ITSN1: variants seen among roughly 807,000 people sequenced by gnomAD.
The protein encoded by ITSN1 is intersectin 1, also known as intersectin-1.
ITSN1 carries 58 observed loss-of-function variants against 239.8 expected under a neutral mutation model. That is an observed-to-expected ratio of 0.24 (90% CI 0.20 to 0.30). The LOEUF is 0.30. ITSN1 is among the 10% of genes least tolerant of loss of function. The pLI is 1.00. For synonymous variants in ITSN1, 780 were observed against 770.8 expected, an observed-to-expected ratio of 1.01 and a Z score of -0.20; for missense variants, 1,558 against 2,103.3, an observed-to-expected ratio of 0.74 and a Z score of 5.07.
intron 21 of ITSN1, among the ~76,000 whole-genome samples, chr21:33,813,047 C>T (rs1013924470): frequency 2.6e-5 from 4 of 152,000 alleles, no homozygotes; most frequent in Non-Finnish European, 4.4e-5. Context: ...GATGTTTCTC[C>T]GGGGCTTTGC....
At position 33,858,960 on chromosome 21, in the gene ITSN1, G is replaced by A. The variant is rs1888449; in HGVS notation, c.3890+168G>A. ...AACACCATCACCCTTTTGTGCCTTCGTGCTTTCTGGAAACGCACTCCGAAT... is the reference window on the plus strand; with the variant it reads ...AACACCATCACCCTTTTGTGCCTTCATGCTTTCTGGAAACGCACTCCGAAT... On this transcript the variant is annotated intron_variant, in intron 31 of 39. Coordinates refer to ENST00000381318, the MANE Select transcript of ITSN1 (RefSeq NM_003024.3). Among the ~76,000 whole-genome samples, 94,930 of 150,984 alleles carry A rather than the reference G, an allele frequency of 0.63. 31,404 individuals carry two copies. Among genetic ancestry groups the A allele is most frequent in the East Asian group, 0.91 (4,689 of 5,134 alleles).
chr21:33,765,786 T>A (rs1022417095), intron 9 of ITSN1, 89 bp from the exon 10 acceptor site: 2 of 1,407,208 alleles, frequency 1.4e-6, no homozygotes, highest in South Asian at 2.4e-5. Flanking sequence ...CTGTGGTCAA[T>A]AAGAAAACAT....
rs1342238619 is a variant in ITSN1 at position 33,885,507 on chromosome 21, C to T, written c.4828C>T (p.Pro1610Ser). Reference protein sequence around the residue: ...VNVVEGIELKPCRSHGKSNPY... With the variant: ...VNVVEGIELKSCRSHGKSNPY... ...CGTGGTTGAAGGCATCGAGTTGAAACCCTGTCGGTCACATGGTAAGGCTGT... is the reference window on the plus strand; with the variant it reads ...CGTGGTTGAAGGCATCGAGTTGAAATCCTGTCGGTCACATGGTAAGGCTGT... The change falls in exon 38 of 40, where the codon CCC becomes TCC. Residue 1610 changes from proline (P) to serine (S), a missense_variant. This residue lies in a region of ITSN1 where 576 missense variants were observed against 893.3 expected (regional missense o/e 0.64). Coordinates refer to ENST00000381318, the MANE Select transcript of ITSN1 (RefSeq NM_003024.3). 4 of 1,613,974 alleles carry T rather than the reference C, an allele frequency of 2.5e-6. No individual in the cohort carries two copies. Among genetic ancestry groups the T allele is most frequent in the African/African-American group, 2.7e-5 (2 of 74,920 alleles).
intron 28 of ITSN1, among the ~76,000 whole-genome samples, chr21:33,835,283 A>T (rs2074538261): frequency 6.6e-6 from 1 of 152,082 alleles, no homozygotes; most frequent in Admixed American, 6.5e-5. Context: ...AGGCTGAGGA[A>T]TGTGGTTCCC....
intron 27 of ITSN1, among the ~76,000 whole-genome samples, chr21:33,830,831 G>A (rs2074252321): frequency 2.0e-5 from 3 of 151,436 alleles, no homozygotes; most frequent in African/African-American, 7.3e-5. Flanking sequence ...GAAGTATTTA[G>A]GGGTAGAGTT....
intron 36 of ITSN1, among the ~76,000 whole-genome samples, chr21:33,884,027 G>C (rs879623851): frequency 1.3e-5 from 2 of 151,006 alleles, no homozygotes; most frequent in Non-Finnish European, 2.9e-5. Flanking sequence ...AGCCTCCCAG[G>C]TATGTGGGAC....
chr21:33,703,123 A>G (rs1002451603), intron 1 of ITSN1, among the ~76,000 whole-genome samples: 5 of 150,856 alleles, frequency 3.3e-5, no homozygotes, highest in Non-Finnish European at 7.4e-5. Flanking sequence ...GTATACACAT[A>G]TATACGTATA....
chr21:33,714,555 T>G (rs2092513691), intron 1 of ITSN1, among the ~76,000 whole-genome samples: 1 of 152,122 alleles, frequency 6.6e-6, no homozygotes, highest in Admixed American at 6.6e-5. Context: ...ATCATAAGAG[T>G]TATATTTATG....
intron 6 of ITSN1, among the ~76,000 whole-genome samples, chr21:33,751,321 G>T (rs1381052286): frequency 1.3e-5 from 2 of 151,896 alleles, no homozygotes; most frequent in African/African-American, 2.4e-5. Context: ...AAGACGCAGT[G>T]TTTTTTTTCT....
At chr21:33,863,688 A>G (rs1981056895) in intron 31 of ITSN1, among the ~76,000 whole-genome samples, 1 of 152,244 alleles carries the variant, frequency 6.6e-6, no homozygotes, top group Non-Finnish European at 1.5e-5. Flanking sequence ...TCACTTGTTA[A>G]AAAAACTACT....
intron 16 of ITSN1, among the ~76,000 whole-genome samples, chr21:33,784,907 T>C (rs534651056): frequency 6.6e-6 from 1 of 152,330 alleles, no homozygotes; most frequent in East Asian, 1.9e-4. Context: ...TGATCGGCAG[T>C]GCCTTTAGAG....
Position 33,818,284 on chromosome 21 carries a change from G to T in ITSN1, c.2745G>T (p.Gly915=), listed in dbSNP as rs766323393. 2 of 1,614,130 alleles carry T rather than the reference G, an allele frequency of 1.2e-6. No homozygotes were observed. Among genetic ancestry groups the T allele is most frequent in the Non-Finnish European group, 1.7e-6 (2 of 1,179,974 alleles). Residue 915 remains glycine, a synonymous_variant, in exon 23 of 40, where the codon GGG becomes GGT. Transcript: ENST00000381318. The part of the protein sequence containing the change: ...PVLGQGEKVE[G]LQAQALYPWR... Reference sequence around the variant, plus strand: ...CACACAAGGGTGAAAAGGTGGAGGGGCTACAAGCTCAAGCCCTATATCCTT... The same window carrying T: ...CACACAAGGGTGAAAAGGTGGAGGGTCTACAAGCTCAAGCCCTATATCCTT...
intron 8 of ITSN1, among the ~76,000 whole-genome samples, chr21:33,756,315 A>T (rs2067913059): frequency 6.6e-6 from 1 of 150,858 alleles, no homozygotes; most frequent in East Asian, 1.9e-4. Context: ...AAAGAAAGTT[A>T]TAAAGAAAAG....
At chr21:33,837,424 A>C in intron 29 of ITSN1, 2 of 987,274 alleles carry the variant, frequency 2.0e-6, no homozygotes, top group Non-Finnish European at 2.4e-6. Flanking sequence ...GGAATGCTGC[A>C]TGTGCTATTA....
chr21:33,751,171 G>C (rs187703052), intron 6 of ITSN1, among the ~76,000 whole-genome samples: 1 of 152,310 alleles, frequency 6.6e-6, no homozygotes, highest in Admixed American at 6.5e-5. Flanking sequence ...CTGTGGACAT[G>C]ATGGTAGCCC....
chr21:33,768,624 A>G (rs1225633589), intron 11 of ITSN1, among the ~76,000 whole-genome samples: 1 of 152,178 alleles, frequency 6.6e-6, no homozygotes, highest in Non-Finnish European at 1.5e-5. Flanking sequence ...TAAATCCATC[A>G]TACTATTAAA....
chr21:33,866,472 G>A (rs941887771), intron 32 of ITSN1, among the ~76,000 whole-genome samples: 1 of 151,604 alleles, frequency 6.6e-6, no homozygotes, highest in African/African-American at 2.4e-5. Flanking sequence ...CCCAGAGCAG[G>A]GGCCTCATTG....
chr21:33,659,253 A>G (rs1286355625), intron 1 of ITSN1, among the ~76,000 whole-genome samples: 5 of 152,230 alleles, frequency 3.3e-5, no homozygotes. Flanking sequence ...AGGAGAGGGC[A>G]TGGAAGCTCT....
At chr21:33,665,725 C>T (rs2089888309) in intron 1 of ITSN1, among the ~76,000 whole-genome samples, 1 of 152,060 alleles carries the variant, frequency 6.6e-6, no homozygotes, top group Non-Finnish European at 1.5e-5. Flanking sequence ...TGGAAACAAC[C>T]CAAATGTCCA....
Sources: allele counts gnomAD v4.1 joint callset (sites outside exome capture counted in the v4.1 genomes callset), GRCh38; gene constraint gnomAD v4.1.1; regional missense constraint gnomAD v4.1.1; transcripts MANE v1.5; gene names NCBI Gene and HGNC (gene_info 2026-07-23, HGNC 2026-07-21).